Variants in DTNBP1 observed in about 807,000 individuals in gnomAD.
DTNBP1 encodes dystrobrevin binding protein 1, also known as dysbindin.
Under a neutral mutation model 42.8 loss-of-function variants are expected in DTNBP1, and 35 were observed. That is an observed-to-expected ratio of 0.82 (90% confidence interval 0.63 to 1.09). The LOEUF is 1.09. DTNBP1 is among the 50% of genes least tolerant of loss of function. The pLI, the probability that DTNBP1 is intolerant of heterozygous loss-of-function variation, is 0.00. For missense variants in DTNBP1, 457 were observed against 424.2 expected, an observed-to-expected ratio of 1.08 and a Z score of -0.68; for synonymous variants, 171 against 162.2, an observed-to-expected ratio of 1.05 and a Z score of -0.41.
intron 7 of DTNBP1, among the ~76,000 whole-genome samples, chr6:15,569,782 C>T (rs1202156999): frequency 6.6e-6 from 1 of 152,196 alleles, no homozygotes; most frequent in Admixed American, 6.5e-5. Flanking sequence ...TTCGTGCCCA[C>T]TCGTTACTCA....
chr6:15,575,137 CCT>C (rs1775507094), intron 7 of DTNBP1, among the ~76,000 whole-genome samples: 1 of 151,996 alleles, frequency 6.6e-6, no homozygotes, highest in Non-Finnish European at 1.5e-5. Context: ...TTCATGAAAA[CCT>C]TTTTTAAAAA....
intron 4 of DTNBP1, among the ~76,000 whole-genome samples, chr6:15,629,916 G>A (rs1390432309): frequency 1.3e-5 from 2 of 151,970 alleles, no homozygotes; most frequent in Non-Finnish European, 2.9e-5. Flanking sequence ...CAAAAGAAAC[G>A]GTTCTGAAAA....
At chr6:15,568,552 C>G (rs549293542) in intron 7 of DTNBP1, among the ~76,000 whole-genome samples, 1 of 152,116 alleles carries the variant, frequency 6.6e-6, no homozygotes, top group Admixed American at 6.5e-5. Context: ...CATTTATACA[C>G]GAATTTTTTT....
chr6:15,647,493 G>C (rs899656231), intron 3 of DTNBP1, among the ~76,000 whole-genome samples: 1 of 150,064 alleles, frequency 6.7e-6, no homozygotes, highest in Non-Finnish European at 1.5e-5. Context: ...TGAGAAGAAA[G>C]AATCAACATG....
intron 4 of DTNBP1, among the ~76,000 whole-genome samples, chr6:15,628,596 AG>A (rs2113743118): frequency 6.6e-6 from 1 of 151,854 alleles, no homozygotes; most frequent in South Asian, 2.1e-4. Flanking sequence ...TAGTAGAGAC[AG>A]GGTTTCACCA....
chr6:15,581,909 C>T (rs1378220431), intron 7 of DTNBP1, among the ~76,000 whole-genome samples: 1 of 152,176 alleles, frequency 6.6e-6, no homozygotes, highest in Admixed American at 6.5e-5. Flanking sequence ...CCTTACTAGT[C>T]TTTCTTCTAA....
chr6:15,571,021 AT>A (rs1315510837), intron 7 of DTNBP1, among the ~76,000 whole-genome samples: 2 of 152,236 alleles, frequency 1.3e-5, no homozygotes. Context: ...TTTAAGAATA[AT>A]AATGGTATTC....
chr6:15,551,997 C>T (rs1403095506), intron 7 of DTNBP1, among the ~76,000 whole-genome samples: 2 of 152,152 alleles, frequency 1.3e-5, no homozygotes, highest in Non-Finnish European at 2.9e-5. Flanking sequence ...ACGGGAAACA[C>T]CAGCATGCCA....
intron 7 of DTNBP1, among the ~76,000 whole-genome samples, chr6:15,569,932 T>C (rs911712323): frequency 2.6e-5 from 4 of 152,094 alleles, no homozygotes; most frequent in Non-Finnish European, 5.9e-5. Context: ...CTCTTCTCAC[T>C]AGACAAAACT....
intron 3 of DTNBP1, among the ~76,000 whole-genome samples, chr6:15,644,524 G>C (rs898789145): frequency 2.0e-5 from 3 of 151,990 alleles, no homozygotes; most frequent in Non-Finnish European, 4.4e-5. Flanking sequence ...TTGACCACAT[G>C]CTCAATCATA....
chr6:15,635,350 C>T (rs1272512301), intron 4 of DTNBP1, among the ~76,000 whole-genome samples: 2 of 152,066 alleles, frequency 1.3e-5, no homozygotes, highest in Admixed American at 6.5e-5. Flanking sequence ...AACTCCTGAC[C>T]TCAGGTGATC....
chr6:15,539,647 G>A (rs558841516), intron 7 of DTNBP1, among the ~76,000 whole-genome samples: 1 of 152,328 alleles, frequency 6.6e-6, no homozygotes, highest in African/African-American at 2.4e-5. Flanking sequence ...CAGGACCCTG[G>A]TCTAACATCC....
rs1487200941 is a variant in DTNBP1, at chr6:15,662,853, C to A, written c.17G>T (p.Arg6Leu). The change falls in exon 1 of 10, where the codon CGC becomes CTC. Residue 6 changes from arginine to leucine, a missense_variant. Physicochemically the swap from Arg to Leu is moderately radical, Grantham distance 102 (BLOSUM62 -2). Transcript: ENST00000344537. MLETL[R>L]ERLLSVQQDF... ...CTGCTGCACGCTCAGCAGCCGCTCGCGAAGGGTCTCCAGCATTGCCGCCGC... is the reference window on the plus strand; with the variant it reads ...CTGCTGCACGCTCAGCAGCCGCTCGAGAAGGGTCTCCAGCATTGCCGCCGC... 2 of 1,608,614 alleles carry A rather than the reference C, an allele frequency of 1.2e-6. No individual in the cohort carries two copies. The highest frequency in any genetic ancestry group is 3.3e-5 in the Admixed American group (2 of 60,004).
intron 7 of DTNBP1, among the ~76,000 whole-genome samples, chr6:15,567,457 G>GAAAT (rs71535044): frequency 6.7e-6 from 1 of 149,968 alleles, no homozygotes. Context: ...TGTCTCTCGG[G>GAAAT]AAACAAACAA....
At chr6:15,618,542 A>G (rs1031609383) in intron 5 of DTNBP1, among the ~76,000 whole-genome samples, 2 of 152,134 alleles carry the variant, frequency 1.3e-5, no homozygotes, top group Admixed American at 1.3e-4. Context: ...AAAAAAAAAA[A>G]AAGAATAGCT....
chr6:15,533,310 A>C lies in DTNBP1; in HGVS notation c.597T>G (p.Phe199Leu). Residue 199 changes from phenylalanine to leucine, a missense_variant, in exon 8 of 10, where the codon TTT (phenylalanine) becomes TTG (leucine). Coordinates refer to ENST00000344537, the MANE Select transcript of DTNBP1 (RefSeq NM_032122.5). ...CCATGTCCTGCTGGAAGGCTTCCTC[A>C]AAAAACTTCTGCCGCTCCTTCAGCT... Reference protein sequence around the residue: ...QMKLKERQKFFEEAFQQDMEQ... With the variant: ...QMKLKERQKFLEEAFQQDMEQ... 6.2e-7 allele frequency: 1 copy of C among 1,614,202 alleles called. No homozygotes were observed. Among genetic ancestry groups the C allele is most frequent in the Non-Finnish European group, 8.5e-7 (1 of 1,180,036 alleles).
In DTNBP1 at chr6:15,626,429, C is replaced by A. The variant is rs181926479; in HGVS notation, c.355+914G>T. 5.0e-3 allele frequency among the ~76,000 whole-genome samples: 759 copies of A among 152,230 alleles called. 7 individuals carry two copies. The highest frequency in any genetic ancestry group is 8.6e-3 in the Non-Finnish European group (584 of 68,022). ...CCAATTACTTGCCTTGTAAATCAGTCATGTTTTGCTTTGAATAAGGCAATA... is the reference window on the plus strand; with the variant it reads ...CCAATTACTTGCCTTGTAAATCAGTAATGTTTTGCTTTGAATAAGGCAATA... On this transcript the variant is annotated intron_variant, in intron 5 of 9. Transcript: ENST00000344537.
chr6:15,577,140 T>G (rs1775613536), intron 7 of DTNBP1, among the ~76,000 whole-genome samples: 2 of 151,932 alleles, frequency 1.3e-5, no homozygotes, highest in Admixed American at 1.3e-4. Flanking sequence ...GGACAGGCGG[T>G]GGGAAAAGCT....
intron 1 of DTNBP1, 122 bp downstream of exon 1, chr6:15,662,692 G>A: frequency 7.5e-7 from 1 of 1,332,724 alleles, no homozygotes; most frequent in Non-Finnish European, 1.0e-6. Flanking sequence ...GCGGGGCGGG[G>A]CGGGGAGGTG....
Sources: allele counts gnomAD v4.1 joint callset (sites outside exome capture counted in the v4.1 genomes callset), GRCh38; gene constraint gnomAD v4.1.1; transcripts MANE v1.5; gene names NCBI Gene and HGNC (gene_info 2026-07-23, HGNC 2026-07-21).